MACROD1: variants seen among roughly 807,000 people sequenced by gnomAD.
MACROD1 encodes the protein ADP-ribose glycohydrolase MACROD1.
In MACROD1, 31 loss-of-function variants were observed where a neutral mutation model predicts 41.4. The ratio of observed to expected loss-of-function variants is 0.75; its 90% CI spans 0.56 to 1.01. The LOEUF is 1.01. Among genes scored for constraint, MACROD1 ranks in the 50% least tolerant of loss-of-function variants. The probability of loss-of-function intolerance (pLI) is 0.00; values close to 1 mark genes in which losing one functional copy is unlikely to be tolerated. For missense variants in MACROD1, 473 were observed against 460.0 expected, an observed-to-expected ratio of 1.03 and a Z score of -0.26; for synonymous variants, 252 against 203.4, an observed-to-expected ratio of 1.24 and a Z score of -2.03.
intron 3 of MACROD1, among the ~76,000 whole-genome samples, chr11:64,109,823 C>T (rs1376927630): frequency 2.0e-5 from 3 of 152,092 alleles, no homozygotes; most frequent in African/African-American, 7.2e-5. Flanking sequence ...GGGCAGGGGG[C>T]AACACCTCAG....
chr11:64,164,395 C>T (rs1203346796), intron 1 of MACROD1, among the ~76,000 whole-genome samples: 2 of 152,224 alleles, frequency 1.3e-5, no homozygotes, highest in South Asian at 2.1e-4. Context: ...TGCCTGGGCA[C>T]CTTGTCTCCG....
In MACROD1 at chr11:63,999,715, C is replaced by T; in HGVS notation, c.713G>A (p.Ser238Asn). Residue 238 changes from serine (S) to asparagine (N), a missense_variant, in exon 6 of 11, where the codon AGT (serine) becomes AAT (asparagine). Coordinates refer to ENST00000255681, the MANE Select transcript of MACROD1 (RefSeq NM_014067.4). ...GPIAYGEPSA[S>N]QAAELRSCYL... ...GCAGCTGCGGAGCTCGGCAGCCTGA[C>T]TGGCGCTGGGCTCCCCGTAGGCGAT... is the stretch of plus-strand genomic sequence containing the variant. 6.2e-7 allele frequency: 1 copy of T among 1,608,264 alleles called. No individual in the cohort carries two copies. Among genetic ancestry groups the T allele is most frequent in the Non-Finnish European group, 8.5e-7 (1 of 1,179,358 alleles).
intron 4 of MACROD1, chr11:64,001,010 C>G (rs927296143): frequency 5.2e-6 from 1 of 193,494 alleles, no homozygotes; most frequent in African/African-American, 2.4e-5. Flanking sequence ...GTTAATGAAC[C>G]GCCTCGTTAG....
chr11:64,084,832 T>A (rs899333042), intron 3 of MACROD1, among the ~76,000 whole-genome samples: 8 of 152,142 alleles, frequency 5.3e-5, no homozygotes. Context: ...AAAGAGGTAA[T>A]GCCCCGGCCC....
chr11:64,030,714 C>G (rs907531800), intron 3 of MACROD1, among the ~76,000 whole-genome samples: 1 of 152,038 alleles, frequency 6.6e-6, no homozygotes, highest in African/African-American at 2.4e-5. Context: ...TGCTACAAAA[C>G]AGAAGTGGAG....
chr11:64,034,983 C>T (rs1943346462), intron 3 of MACROD1, among the ~76,000 whole-genome samples: 2 of 152,214 alleles, frequency 1.3e-5, no homozygotes, highest in African/African-American at 4.8e-5. Context: ...CTCCCTCACC[C>T]CACCCGGATG....
chr11:64,072,495 G>A (rs1054479944), intron 3 of MACROD1, among the ~76,000 whole-genome samples: 1 of 152,042 alleles, frequency 6.6e-6, no homozygotes. Flanking sequence ...CATAAGTTAC[G>A]AGCATGATGA....
intron 3 of MACROD1, among the ~76,000 whole-genome samples, chr11:64,047,893 G>A (rs1269670561): frequency 9.4e-5 from 12 of 128,312 alleles, no homozygotes; most frequent in Non-Finnish European, 1.3e-4. Flanking sequence ...GTGAAACTCC[G>A]TCTCAAAAAA....
chr11:64,017,657 C>T (rs1943099093), intron 3 of MACROD1, among the ~76,000 whole-genome samples: 1 of 152,176 alleles, frequency 6.6e-6, no homozygotes, highest in African/African-American at 2.4e-5. Flanking sequence ...GGCTGGGCAT[C>T]TGGGCAGTGC....
intron 3 of MACROD1, among the ~76,000 whole-genome samples, chr11:64,065,604 A>T (rs1168747857): frequency 1.4e-5 from 2 of 144,534 alleles, no homozygotes; most frequent in Admixed American, 7.1e-5. Context: ...CCTGGCTAAC[A>T]CGGTGAAACC....
intron 4 of MACROD1, among the ~76,000 whole-genome samples, chr11:64,006,757 CG>C (rs536798448): frequency 2.0e-4 from 31 of 152,154 alleles, no homozygotes; most frequent in African/African-American, 7.2e-4. Context: ...GGGCCAGCTG[CG>C]GGGTGGGGCG....
intron 3 of MACROD1, among the ~76,000 whole-genome samples, chr11:64,133,124 T>C (rs1296430222): frequency 6.6e-6 from 1 of 152,212 alleles, no homozygotes; most frequent in Non-Finnish European, 1.5e-5. Context: ...AAGCCGTCCC[T>C]GAGCAGCCCC....
At chr11:64,137,457 T>A (rs753268939) in intron 3 of MACROD1, among the ~76,000 whole-genome samples, 10 of 152,166 alleles carry the variant, frequency 6.6e-5, no homozygotes, top group African/African-American at 9.7e-5. Context: ...CAGCTGAAAC[T>A]TAAATTGACT....
chr11:64,162,080 A>ACC (rs1353458813), intron 1 of MACROD1, among the ~76,000 whole-genome samples: 1 of 147,774 alleles, frequency 6.8e-6, no homozygotes, highest in African/African-American at 2.5e-5. Context: ...CATGGCTCAC[A>ACC]CCTGTAACCT....
chr11:64,075,954 G>A (rs1302606007), intron 3 of MACROD1, among the ~76,000 whole-genome samples: 2 of 152,222 alleles, frequency 1.3e-5, no homozygotes, highest in African/African-American at 2.4e-5. Context: ...GATTGCAGGC[G>A]TGGGCCACTG....
chr11:64,002,847 TCTTCCCA>T (rs1456718602), intron 4 of MACROD1, among the ~76,000 whole-genome samples: 5 of 151,696 alleles, frequency 3.3e-5, no homozygotes, highest in African/African-American at 1.2e-4. Flanking sequence ...CCCTCTTCCC[TCTTCCCA>T]CCCCACCCCA....
rs981317467 is a variant in MACROD1 at position 64,146,749 on chromosome 11, C to T, written c.517+4490G>A. Among the ~76,000 whole-genome samples the T allele has an allele frequency of 3.3e-5, 5 of 151,652 alleles. No individual in the cohort carries two copies. Among genetic ancestry groups the T allele is most frequent in the South Asian group, 4.2e-4 (2 of 4,768 alleles). ...CATGCATCACACAAGCACAGACACACACACATCACGCACACACACGCATCA... is the reference window on the plus strand; with the variant it reads ...CATGCATCACACAAGCACAGACACATACACATCACGCACACACACGCATCA... On this transcript the variant is annotated intron_variant, in intron 3 of 10. Transcript: ENST00000255681. This position sits in a 1 kb window ranked among gnomAD's most constrained non-coding sequence, Gnocchi z 4.7.
intron 3 of MACROD1, among the ~76,000 whole-genome samples, chr11:64,149,822 C>A (rs1465647500): frequency 6.6e-6 from 1 of 152,246 alleles, no homozygotes; most frequent in Non-Finnish European, 1.5e-5. Context: ...TGGGCACAGG[C>A]AGCAAGAACG....
chr11:64,101,153 T>C (rs1367054570), intron 3 of MACROD1, among the ~76,000 whole-genome samples: 1 of 151,982 alleles, frequency 6.6e-6, no homozygotes, highest in Non-Finnish European at 1.5e-5. Flanking sequence ...GAGGGAGGGA[T>C]GACGTCTGCA....
Sources: gnomAD v4.1 joint callset for allele counts (sites outside exome capture counted in the v4.1 genomes callset) on GRCh38, gnomAD v4.1.1 for gene constraint, Gnocchi (gnomAD v3.1) non-coding constraint, MANE v1.5 for transcripts, NCBI Gene and HGNC (gene_info 2026-07-23, HGNC 2026-07-21) for gene names.